Variants in SSBP2 observed in about 807,000 individuals in gnomAD.
SSBP2 encodes single stranded DNA binding protein 2.
A neutral mutation model predicts 61.8 loss-of-function variants in SSBP2; 17 were observed. The ratio of observed to expected loss-of-function variants is 0.28; its 90% CI spans 0.19 to 0.41. The LOEUF (loss-of-function observed/expected upper bound fraction) is 0.41. Ranked by LOEUF, SSBP2 falls within the 10% of genes least tolerant of loss-of-function variation. The probability of loss-of-function intolerance (pLI) is 1.00; values close to 1 mark genes in which losing one functional copy is unlikely to be tolerated. For missense variants in SSBP2, 310 were observed against 458.7 expected, an observed-to-expected ratio of 0.68 and a Z score of 2.96; for synonymous variants, 139 against 141.3, an observed-to-expected ratio of 0.98 and a Z score of 0.12.
At chr5:81,710,473 A>C (rs1279063906) in intron 1 of SSBP2, among the ~76,000 whole-genome samples, 1 of 152,054 alleles carries the variant, frequency 6.6e-6, no homozygotes, top group African/African-American at 2.4e-5. Flanking sequence ...GGACCTATAC[A>C]GTTACAACAT....
At chr5:81,569,783 T>G (rs1469761031) in intron 4 of SSBP2, among the ~76,000 whole-genome samples, 1 of 152,220 alleles carries the variant, frequency 6.6e-6, no homozygotes, top group African/African-American at 2.4e-5. Flanking sequence ...ATAACAGCTG[T>G]TGGTGAATAG....
At chr5:81,584,207 C>T (rs1370824980) in intron 4 of SSBP2, among the ~76,000 whole-genome samples, 1 of 152,016 alleles carries the variant, frequency 6.6e-6, no homozygotes, top group Non-Finnish European at 1.5e-5. Context: ...AAAGCTTCGT[C>T]TAGATGTTTT....
At chr5:81,443,871 A>C (rs1259046026) in intron 12 of SSBP2, among the ~76,000 whole-genome samples, 3 of 152,364 alleles carry the variant, frequency 2.0e-5, no homozygotes, top group African/African-American at 7.2e-5. Context: ...CAGTAGGCCC[A>C]TTTTGAGAAA....
At chr5:81,474,299 C>T (rs1351603215) in intron 7 of SSBP2, among the ~76,000 whole-genome samples, 197 bp downstream of exon 7, 1 of 152,020 alleles carries the variant, frequency 6.6e-6, no homozygotes, top group Non-Finnish European at 1.5e-5. Context: ...TATTCTTTTT[C>T]TTATGTTATC....
At chr5:81,636,756 T>C in intron 2 of SSBP2, 138 bp from the exon 3 acceptor site, 1 of 718,292 alleles carries the variant, frequency 1.4e-6, no homozygotes, top group Non-Finnish European at 2.2e-6. Context: ...TTACCCAAGT[T>C]TTGCAAGTAC....
intron 1 of SSBP2, among the ~76,000 whole-genome samples, chr5:81,716,623 T>C (rs1561723453): frequency 6.6e-6 from 1 of 152,204 alleles, no homozygotes; most frequent in South Asian, 2.1e-4. Flanking sequence ...TAACATTCTA[T>C]CATTAACCTT....
intron 8 of SSBP2, among the ~76,000 whole-genome samples, chr5:81,471,553 A>G (rs1765246384): frequency 6.6e-6 from 1 of 152,016 alleles, no homozygotes; most frequent in African/African-American, 2.4e-5. Context: ...GACTAAAAGT[A>G]TACTTAGCCA....
chr5:81,468,995 T>C (rs1436504679), intron 8 of SSBP2, among the ~76,000 whole-genome samples: 2 of 151,992 alleles, frequency 1.3e-5, no homozygotes, highest in Non-Finnish European at 2.9e-5. Flanking sequence ...TAAAATATAA[T>C]AGAAATGTTT....
intron 4 of SSBP2, among the ~76,000 whole-genome samples, chr5:81,555,398 A>G (rs1162904878): frequency 6.6e-6 from 1 of 152,088 alleles, no homozygotes; most frequent in Non-Finnish European, 1.5e-5. Flanking sequence ...GACTACTCAT[A>G]TATTAGCCCA....
At chr5:81,602,288 A>G (rs1744440492) in intron 4 of SSBP2, among the ~76,000 whole-genome samples, 1 of 152,200 alleles carries the variant, frequency 6.6e-6, no homozygotes, top group African/African-American at 2.4e-5. Context: ...AAAATGTTAT[A>G]GGTTTCTACG....
At chr5:81,624,298 A>C (rs1001788224) in intron 3 of SSBP2, among the ~76,000 whole-genome samples, 10 of 152,218 alleles carry the variant, frequency 6.6e-5, no homozygotes, top group Non-Finnish European at 1.3e-4. Flanking sequence ...CCTTCTAAGA[A>C]TCACAGGTAG....
chr5:81,668,174 A>G (rs1751305397), intron 1 of SSBP2, among the ~76,000 whole-genome samples: 1 of 150,860 alleles, frequency 6.6e-6, no homozygotes. Flanking sequence ...TGGGAGCTAA[A>G]TGCAAACCAA....
intron 9 of SSBP2, among the ~76,000 whole-genome samples, chr5:81,465,488 C>A (rs952009269): frequency 6.6e-5 from 10 of 151,866 alleles, no homozygotes; most frequent in Admixed American, 6.6e-4. Context: ...TTTCTCTGAA[C>A]AGGGAAAACT....
intron 2 of SSBP2, among the ~76,000 whole-genome samples, chr5:81,640,102 C>A (rs184946017): frequency 1.7e-3 from 256 of 152,302 alleles, no homozygotes; most frequent in Middle Eastern, 3.4e-3. Context: ...GTAATCCCAG[C>A]ACTCTGGGAG....
chr5:81,583,740 A>G (rs1482245470), intron 4 of SSBP2, among the ~76,000 whole-genome samples: 1 of 152,162 alleles, frequency 6.6e-6, no homozygotes, highest in Non-Finnish European at 1.5e-5. Context: ...CATTGGTGAC[A>G]TATATAGAAG....
intron 13 of SSBP2, 36 bp from the exon 14 acceptor site, chr5:81,440,672 C>T (rs1762974700): frequency 6.9e-7 from 1 of 1,456,170 alleles, no homozygotes; most frequent in Non-Finnish European, 9.5e-7. Context: ...TGTAATCATA[C>T]TGAAAACAAT....
intron 10 of SSBP2, among the ~76,000 whole-genome samples, chr5:81,450,949 T>G (rs143077997): frequency 1.3e-5 from 2 of 152,340 alleles, no homozygotes; most frequent in East Asian, 3.9e-4. Flanking sequence ...CTCCAACTTC[T>G]ACCTCATCTT....
Position 81,586,470 on chromosome 5 carries a change from T to C in SSBP2, c.282+29003A>G, listed in dbSNP as rs994886082. 4.0e-4 allele frequency among the ~76,000 whole-genome samples: 61 copies of C among 152,116 alleles called. 2 individuals carry two copies. The highest frequency in any genetic ancestry group is 3.5e-4 in the Non-Finnish European group (24 of 68,026). ...ATAAATTATTTCATAATATTAATTA[T>C]TAAGCCAATCAGTAAAAGGAAGTAA... is the stretch of plus-strand genomic sequence containing the variant. On this transcript the variant is annotated intron_variant, in intron 4 of 16. Transcript: ENST00000320672.
chr5:81,437,676 G>GTT (rs544978730), intron 14 of SSBP2: 318 of 292,024 alleles, frequency 1.1e-3, no homozygotes, highest in Middle Eastern at 2.0e-3. Context: ...GTTCCCAATC[G>GTT]TTTTTTTTTT....
Sources: gnomAD v4.1 joint callset for allele counts (sites outside exome capture counted in the v4.1 genomes callset) on GRCh38, gnomAD v4.1.1 for gene constraint, MANE v1.5 for transcripts, NCBI Gene and HGNC (gene_info 2026-07-23, HGNC 2026-07-21) for gene names.